GFRA2: variants seen among roughly 807,000 people sequenced by gnomAD.
GFRA2 encodes the protein GDNF family receptor alpha-2.
Under a neutral mutation model 48.3 loss-of-function variants are expected in GFRA2, and 17 were observed. That is an observed-to-expected ratio of 0.35 (90% CI 0.24 to 0.53). The LOEUF is 0.53. Among genes scored for constraint, GFRA2 ranks in the 20% least tolerant of loss-of-function variants. The pLI, the probability that GFRA2 is intolerant of heterozygous loss-of-function variation, is 0.93. For synonymous variants in GFRA2, 305 were observed against 257.2 expected (o/e 1.19, Z -1.78); for missense variants, 660 against 637.3 (o/e 1.04, Z -0.38).
At chr8:21,748,101 G>C (rs764669688) in intron 4 of GFRA2, among the ~76,000 whole-genome samples, 23 of 152,012 alleles carry the variant, frequency 1.5e-4, no homozygotes, top group Non-Finnish European at 2.9e-4. Context: ...CCCCTCCTAG[G>C]CCATTTCATT....
At chr8:21,705,722 T>C (rs1416255873) in intron 5 of GFRA2, among the ~76,000 whole-genome samples, 1 of 152,228 alleles carries the variant, frequency 6.6e-6, no homozygotes, top group Non-Finnish European at 1.5e-5. Flanking sequence ...CCTGGGGCCC[T>C]CCTTCCCCCA....
chr8:21,749,570 C>T (rs991615059), intron 4 of GFRA2, among the ~76,000 whole-genome samples: 5 of 151,982 alleles, frequency 3.3e-5, no homozygotes, highest in Admixed American at 2.6e-4. Context: ...ACAGAGTGAG[C>T]TGGCTCTTCG....
chr8:21,766,404 G>A (rs1350720665), intron 3 of GFRA2, among the ~76,000 whole-genome samples: 1 of 152,000 alleles, frequency 6.6e-6, no homozygotes, highest in East Asian at 1.9e-4. Flanking sequence ...CGCCCATGTT[G>A]TTCGCTGATG....
At chr8:21,792,953 G>C (rs903859381), upstream of GFRA2, among the ~76,000 whole-genome samples, 3 of 152,188 alleles carry the variant, frequency 2.0e-5, no homozygotes, top group African/African-American at 4.8e-5. Context: ...TGTAGTCCCA[G>C]CTACTCGAGT....
At chr8:21,709,634 G>A (rs1045820747) in intron 4 of GFRA2, among the ~76,000 whole-genome samples, 2 of 152,120 alleles carry the variant, frequency 1.3e-5, no homozygotes, top group Admixed American at 6.5e-5. Flanking sequence ...ATCATTGCTT[G>A]CTTATCTCCC....
chr8:21,733,257 C>T (rs1804288232), intron 4 of GFRA2, among the ~76,000 whole-genome samples: 1 of 152,154 alleles, frequency 6.6e-6, no homozygotes, highest in South Asian at 2.1e-4. Context: ...ACCCACCCTG[C>T]AGGCACCGAC....
chr8:21,705,962 C>T lies in GFRA2; in HGVS notation c.874G>A (p.Ala292Thr), dbSNP rs1324884466. 5.1e-6 allele frequency: 8 copies of T among 1,573,984 alleles called. No individual in the cohort carries two copies. Among genetic ancestry groups the T allele is most frequent in the Non-Finnish European group, 6.9e-6 (8 of 1,158,960 alleles). ...ATGCCAGCATAAGAGCCCAGACACG[C>T]CTGGTAATTGTCCGCAGGGCAGCTG... ...VTSCPADNYQACLGSYAGMIG... is the reference protein window; with the variant it reads ...VTSCPADNYQTCLGSYAGMIG... Residue 292 changes from alanine to threonine, a missense_variant, in exon 5 of 9, where the codon GCG (alanine) becomes ACG (threonine). Physicochemically the swap from Ala to Thr is moderately conservative, Grantham distance 58. Transcript: ENST00000524240.
At chr8:21,708,196 G>A (rs1239481760) in intron 4 of GFRA2, among the ~76,000 whole-genome samples, 1 of 152,222 alleles carries the variant, frequency 6.6e-6, no homozygotes, top group Non-Finnish European at 1.5e-5. Context: ...AGGAAACGAG[G>A]AGGAAATCTG....
chr8:21,809,367 C>A (rs1807933612), intron 1 of GFRA2, among the ~76,000 whole-genome samples: 1 of 152,206 alleles, frequency 6.6e-6, no homozygotes, highest in Non-Finnish European at 1.5e-5. Flanking sequence ...CTCAGTCGCC[C>A]AGGCTGGAGT....
chr8:21,712,044 A>G (rs1423519794), intron 4 of GFRA2, among the ~76,000 whole-genome samples: 1 of 152,260 alleles, frequency 6.6e-6, no homozygotes, highest in Non-Finnish European at 1.5e-5. Flanking sequence ...AATTTTTCTT[A>G]GTACAGAACA....
intron 4 of GFRA2, among the ~76,000 whole-genome samples, chr8:21,737,994 C>A (rs1204444318): frequency 2.0e-5 from 3 of 152,092 alleles, no homozygotes; most frequent in Non-Finnish European, 4.4e-5. Flanking sequence ...CCATAATCTC[C>A]ATCCCAAGCC....
intron 3 of GFRA2, among the ~76,000 whole-genome samples, chr8:21,767,888 A>G (rs1806255070): frequency 6.6e-6 from 1 of 152,134 alleles, no homozygotes; most frequent in Non-Finnish European, 1.5e-5. Context: ...AGTCACCAAC[A>G]CCCTGCTCAC....
chr8:21,796,569 G>A (rs766636285), intron 2 of GFRA2, among the ~76,000 whole-genome samples: 1 of 152,248 alleles, frequency 6.6e-6, no homozygotes, highest in Non-Finnish European at 1.5e-5. Context: ...GTTTCTCTCT[G>A]AGGACACATG....
chr8:21,801,798 T>A (rs1807775336), intron 2 of GFRA2, among the ~76,000 whole-genome samples: 2 of 152,044 alleles, frequency 1.3e-5, no homozygotes, highest in Non-Finnish European at 2.9e-5. Context: ...GAAGGCGGCA[T>A]CCCTTCACAA....
intron 1 of GFRA2, among the ~76,000 whole-genome samples, chr8:21,784,670 G>T (rs1457608288): frequency 6.6e-6 from 1 of 152,306 alleles, no homozygotes; most frequent in Non-Finnish European, 1.5e-5. Flanking sequence ...CTGGGGTACA[G>T]AAGGCTTCTT....
chr8:21,716,591 C>T (rs528763670), intron 4 of GFRA2, among the ~76,000 whole-genome samples: 32 of 152,276 alleles, frequency 2.1e-4, no homozygotes, highest in Non-Finnish European at 3.2e-4. Flanking sequence ...GAAAAGACAA[C>T]GGCTATACTG....
At chr8:21,778,099 G>A (rs1227270684) in intron 2 of GFRA2, among the ~76,000 whole-genome samples, 1 of 152,202 alleles carries the variant, frequency 6.6e-6, no homozygotes, top group Non-Finnish European at 1.5e-5. Context: ...CAGGGGCCAA[G>A]GAGAGGCTGA....
chr8:21,729,725 A>C (rs1440728561), intron 4 of GFRA2, among the ~76,000 whole-genome samples: 1 of 152,114 alleles, frequency 6.6e-6, no homozygotes, highest in African/African-American at 2.4e-5. Context: ...TTCACAGCCC[A>C]AAGAATCCGC....
intron 4 of GFRA2, among the ~76,000 whole-genome samples, chr8:21,709,194 G>A (rs79406090): frequency 0.017 from 2,513 of 152,220 alleles, 41 homozygotes; most frequent in South Asian, 0.05. Context: ...CCATTCTAAC[G>A]CCAGGCCGTC....
Sources: allele counts gnomAD v4.1 joint callset (sites outside exome capture counted in the v4.1 genomes callset), GRCh38; gene constraint gnomAD v4.1.1; transcripts MANE v1.5; gene names NCBI Gene and HGNC (gene_info 2026-07-23, HGNC 2026-07-21).